The following CAST variants were observed in gnomAD, a reference collection of about 807,000 sequenced individuals.
CAST encodes the protein MIR583 host.
In CAST, 76 loss-of-function variants were observed where a neutral mutation model predicts 119.6. The ratio of observed to expected loss-of-function variants is 0.64; its 90% CI spans 0.53 to 0.77. CAST has a LOEUF of 0.77. Among genes scored for constraint, CAST ranks in the 30% least tolerant of loss-of-function variants. CAST has a pLI of 0.00. For missense variants in CAST, 953 were observed against 946.5 expected (o/e 1.01, Z -0.09); for synonymous variants, 319 against 331.6 (o/e 0.96, Z 0.41).
chr5:96,765,281 C>T lies in CAST; in HGVS notation c.1993C>T (p.Gln665Ter). The T allele has an allele frequency of 6.3e-7, 1 of 1,582,034 alleles. No homozygotes were observed. The highest frequency in any genetic ancestry group is 8.6e-7 in the Non-Finnish European group (1 of 1,164,276). Reference protein sequence around the residue: ...DKLSDSLGQRQPDPDENKPME... With the variant: ...DKLSDSLGQR ...ACTCTCTGACAGTCTAGGACAAAGG[C>T]AGCCTGACCCAGATGAGAACAAACC... Residue 665 changes from glutamine (Q) to a stop codon, truncating the protein, a stop_gained, in exon 26 of 32, where the codon CAG becomes TAG. Coordinates refer to ENST00000675179, the MANE Select transcript of CAST (RefSeq NM_001750.7). LOFTEE classifies it high-confidence loss of function.
intron 1 of CAST, among the ~76,000 whole-genome samples, chr5:96,549,716 G>A (rs1005004712): frequency 2.6e-5 from 4 of 152,212 alleles, no homozygotes; most frequent in East Asian, 1.9e-4. Flanking sequence ...CATGGTCTTC[G>A]CAATTGGCAG....
chr5:96,360,313 C>A, the CAST span, among the ~76,000 whole-genome samples: 1 of 151,936 alleles, frequency 6.6e-6, no homozygotes, highest in Admixed American at 6.6e-5. Context: ...TTGTTATTAC[C>A]CACCTTCTGA....
At chr5:96,227,885 C>T in the CAST span, among the ~76,000 whole-genome samples, 1 of 152,002 alleles carries the variant, frequency 6.6e-6, no homozygotes, top group African/African-American at 2.4e-5. Context: ...TTTTGGCCAA[C>T]AATGTGTAAG....
intron 1 of CAST, among the ~76,000 whole-genome samples, chr5:96,579,973 T>C (rs565534896): frequency 2.6e-5 from 4 of 152,344 alleles, no homozygotes; most frequent in Admixed American, 2.6e-4. Context: ...AAGCAGCTGG[T>C]GAGAACAAGG....
chr5:96,326,695 ATTTTTTTTTTTTT>A, the CAST span, among the ~76,000 whole-genome samples: 2 of 95,734 alleles, frequency 2.1e-5, no homozygotes, highest in Non-Finnish European at 3.9e-5. Context: ...ATGGCTTTTC[ATTTTTTTTTTTTT>A]TTTTTTTTTT....
At chr5:96,295,406 G>T in the CAST span, among the ~76,000 whole-genome samples, 1 of 152,132 alleles carries the variant, frequency 6.6e-6, no homozygotes, top group African/African-American at 2.4e-5. Context: ...TATGCCCTGG[G>T]CATGACACAC....
chr5:96,737,845 C>G lies in CAST; in HGVS notation c.700-4C>G. 1.3e-6 allele frequency: 2 copies of G among 1,502,800 alleles called. No individual in the cohort carries two copies. The highest frequency in any genetic ancestry group is 1.8e-6 in the Non-Finnish European group (2 of 1,087,484). The allele number at this position is 1,502,800 out of a possible 1,614,324, so 93.1% of individuals were successfully genotyped here. On this transcript the variant is annotated splice_polypyrimidine_tract_variant and splice_region_variant and intron_variant, in intron 10 of 31. Transcript: ENST00000675179. ...CATTTAAATATCTGTTCTTTCTTTT[C>G]CAGTCAGGCATGGATGCTGCTTTGG...
At chr5:96,172,488 G>A in the CAST span, among the ~76,000 whole-genome samples, 9 of 152,288 alleles carry the variant, frequency 5.9e-5, no homozygotes, top group African/African-American at 1.9e-4. Context: ...AATATACATG[G>A]TATATGGCAA....
chr5:96,247,590 C>T, the CAST span, among the ~76,000 whole-genome samples: 1 of 152,232 alleles, frequency 6.6e-6, no homozygotes, highest in Non-Finnish European at 1.5e-5. Flanking sequence ...AGTCAGAACA[C>T]TGACTTTTTC....
chr5:96,317,307 T>C, the CAST span, among the ~76,000 whole-genome samples: 5 of 67,884 alleles, frequency 7.4e-5, no homozygotes, highest in African/African-American at 3.4e-4. Flanking sequence ...GTACCAAAAA[T>C]ACAAAAAAAA....
upstream of CAST, among the ~76,000 whole-genome samples, chr5:96,524,471 G>C (rs900594664): frequency 1.3e-5 from 2 of 152,222 alleles, no homozygotes; most frequent in African/African-American, 4.8e-5. Flanking sequence ...CAGCATTCCA[G>C]CAGGGAGTGG....
At chr5:96,217,402 A>G in the CAST span, among the ~76,000 whole-genome samples, 1 of 151,854 alleles carries the variant, frequency 6.6e-6, no homozygotes, top group Non-Finnish European at 1.5e-5. Flanking sequence ...TATGGAAAAT[A>G]ATTGTTTCTT....
the CAST span, chr5:96,412,973 G>A: frequency 1.0e-6 from 1 of 1,004,752 alleles, no homozygotes; most frequent in Non-Finnish European, 1.2e-6. Context: ...CCTCCTCATG[G>A]CTGTCCCACA....
chr5:96,433,162 G>A, the CAST span: 1 of 962,766 alleles, frequency 1.0e-6, no homozygotes, highest in African/African-American at 1.6e-5. Context: ...CTGGCTCCTG[G>A]TTGCTCTGCG....
At chr5:96,282,659 T>G in the CAST span, among the ~76,000 whole-genome samples, 1 of 152,208 alleles carries the variant, frequency 6.6e-6, no homozygotes, top group Admixed American at 6.5e-5. Context: ...TTAAAACACT[T>G]TTAAGTTGTC....
chr5:96,603,351 T>C (rs1747192198), intron 1 of CAST, among the ~76,000 whole-genome samples: 1 of 152,238 alleles, frequency 6.6e-6, no homozygotes. Context: ...ATGTTTTCTT[T>C]CTTTATAATC....
the CAST span, among the ~76,000 whole-genome samples, chr5:96,291,843 C>CGTGTGTGTGT: frequency 0.017 from 2,241 of 132,978 alleles, 22 homozygotes; most frequent in Non-Finnish European, 0.021. Context: ...TCCCAGTCTG[C>CGTGTGTGTGT]GTGTGTGTGT....
At chr5:96,638,685 A>G (rs1747913100) in intron 1 of CAST, among the ~76,000 whole-genome samples, 1 of 152,026 alleles carries the variant, frequency 6.6e-6, no homozygotes, top group Non-Finnish European at 1.5e-5. Flanking sequence ...AAGCAGCTCA[A>G]CTCTCAAAGT....
the CAST span, among the ~76,000 whole-genome samples, chr5:96,472,431 A>G: frequency 4.7e-4 from 72 of 152,296 alleles, no homozygotes; most frequent in East Asian, 0.01. Context: ...GTGTGTTGCT[A>G]TATTCCCAGG....
Sources: gnomAD v4.1 joint callset for allele counts (sites outside exome capture counted in the v4.1 genomes callset) on GRCh38, gnomAD v4.1.1 for gene constraint, MANE v1.5 for transcripts, NCBI Gene and HGNC (gene_info 2026-07-23, HGNC 2026-07-21) for gene names.